The following EFEMP1 variants were observed in gnomAD, a reference collection of about 807,000 sequenced individuals.
EFEMP1 encodes EGF-containing fibulin-like extracellular matrix protein 1.
EFEMP1 carries 18 observed loss-of-function variants against 65.7 expected under a neutral mutation model. The observed-to-expected ratio is 0.27, with a 90% CI of 0.19 to 0.41. The LOEUF is 0.41. Among genes scored for constraint, EFEMP1 ranks in the 10% least tolerant of loss-of-function variants. EFEMP1 has a pLI of 1.00. For synonymous variants in EFEMP1, 237 were observed against 219.7 expected (o/e 1.08, Z -0.70); for missense variants, 469 against 624.8 (o/e 0.75, Z 2.66).
chr2:55,901,012 G>A (rs1670011165), intron 5 of EFEMP1, among the ~76,000 whole-genome samples: 1 of 152,144 alleles, frequency 6.6e-6, no homozygotes, highest in Non-Finnish European at 1.5e-5. Flanking sequence ...GATATGTTCA[G>A]TGCATGTCTT....
chr2:55,876,755 T>TA lies in EFEMP1; in HGVS notation c.761-14_761-13insT, dbSNP rs1476312354. On this transcript the variant is annotated splice_polypyrimidine_tract_variant and intron_variant, in intron 7 of 11. Transcript: ENST00000355426. ...CATTCATTTATATCTGAAAAAAAGTTTTATATATATATATATGTATATGTA... is the reference window on the plus strand; with the variant it reads ...CATTCATTTATATCTGAAAAAAAGTTATTATATATATATATATGTATATGTA... 2.0e-4 allele frequency: 295 copies of TA among 1,497,376 alleles called. No homozygotes were observed. The African/African-American group carries it at 3.7e-3, about 19-fold the overall frequency. 92.8% of individuals were successfully genotyped at this position (1,497,376 alleles called of 1,614,324 possible).
intron 5 of EFEMP1, among the ~76,000 whole-genome samples, chr2:55,899,661 G>A (rs995571848): frequency 6.6e-6 from 1 of 152,170 alleles, no homozygotes; most frequent in Admixed American, 6.5e-5. Flanking sequence ...TAATCTCTCA[G>A]TTGAGCCCTG....
intron 5 of EFEMP1, among the ~76,000 whole-genome samples, chr2:55,912,458 A>G (rs944175251): frequency 4.6e-5 from 7 of 152,212 alleles, no homozygotes; most frequent in Admixed American, 2.0e-4. Flanking sequence ...GAAGTCAAAG[A>G]AAGATATCCC....
intron 5 of EFEMP1, among the ~76,000 whole-genome samples, chr2:55,889,475 A>G (rs1572811280): frequency 6.6e-6 from 1 of 152,198 alleles, no homozygotes; most frequent in East Asian, 1.9e-4. Flanking sequence ...TTTCTGCGCA[A>G]TGTTTCTCCA....
At chr2:55,916,992 G>A (rs983367062) in intron 5 of EFEMP1, among the ~76,000 whole-genome samples, 2 of 152,166 alleles carry the variant, frequency 1.3e-5, no homozygotes, top group African/African-American at 2.4e-5. Context: ...TAAGTGAAAC[G>A]TCGTCAAATG....
At chr2:55,899,139 T>C (rs527651555) in intron 5 of EFEMP1, among the ~76,000 whole-genome samples, 1 of 152,346 alleles carries the variant, frequency 6.6e-6, no homozygotes, top group African/African-American at 2.4e-5. Context: ...ACTGGCTACC[T>C]GGTGGCAGCA....
intron 5 of EFEMP1, 25 bp from the exon 6 acceptor site, chr2:55,881,759 A>G (rs756555615): frequency 6.2e-7 from 1 of 1,613,900 alleles, no homozygotes; most frequent in Non-Finnish European, 8.5e-7. Flanking sequence ...CAACACAGAA[A>G]GAATTGTCAG....
chr2:55,914,551 T>C (rs1308355149), intron 5 of EFEMP1, among the ~76,000 whole-genome samples: 2 of 152,218 alleles, frequency 1.3e-5, no homozygotes, highest in Non-Finnish European at 2.9e-5. Flanking sequence ...ACTGGTATAG[T>C]GCATTCAAAG....
chr2:55,911,059 C>G (rs1309641008), intron 5 of EFEMP1, among the ~76,000 whole-genome samples: 1 of 152,292 alleles, frequency 6.6e-6, no homozygotes, highest in South Asian at 2.1e-4. Context: ...TAGAGTCTCA[C>G]CTACTGACAA....
Position 55,874,953 on chromosome 2 carries a change from T to C in EFEMP1, c.993A>G (p.Thr331=). The C allele has an allele frequency of 6.2e-7, 1 of 1,603,502 alleles. No homozygotes were observed. The highest frequency in any genetic ancestry group is 1.7e-5 in the Admixed American group (1 of 59,552). ...PQGYQVVRSR[T]CQDINECETT... is the part of the protein sequence containing the mutation. ...AAAAAAAAATAAACTTACCTTGACATGTTCTACTTCTCACCACTTGGTATC... is the reference window on the plus strand; with the variant it reads ...AAAAAAAAATAAACTTACCTTGACACGTTCTACTTCTCACCACTTGGTATC... Residue 331 remains threonine (T), a synonymous_variant, in exon 9 of 12, where the codon ACA becomes ACG. Transcript: ENST00000355426.
chr2:55,882,453 T>TG (rs1669274689), intron 5 of EFEMP1, among the ~76,000 whole-genome samples: 1 of 152,200 alleles, frequency 6.6e-6, no homozygotes, highest in African/African-American at 2.4e-5. Context: ...TGTGCCTTAA[T>TG]GAGTATGCAG....
intron 5 of EFEMP1, among the ~76,000 whole-genome samples, chr2:55,915,222 C>G (rs1480757067): frequency 6.6e-6 from 1 of 152,146 alleles, no homozygotes; most frequent in Admixed American, 6.5e-5. Context: ...ACACCAATCC[C>G]AAATTTTAGA....
intron 6 of EFEMP1, among the ~76,000 whole-genome samples, chr2:55,878,235 GAAGA>G (rs1306379957): frequency 6.6e-6 from 1 of 152,178 alleles, no homozygotes; most frequent in Non-Finnish European, 1.5e-5. Context: ...ACAAAACAAA[GAAGA>G]AAGAGTTGTG....
At chr2:55,889,257 G>A (rs1669544709) in intron 5 of EFEMP1, among the ~76,000 whole-genome samples, 1 of 152,164 alleles carries the variant, frequency 6.6e-6, no homozygotes, top group South Asian at 2.1e-4. Context: ...CATTATGCTT[G>A]TTGTTCATTC....
Position 55,917,614 on chromosome 2 carries a change from G to C in EFEMP1, c.517+51C>G, listed in dbSNP as rs756692544. On this transcript the variant is annotated intron_variant, in intron 5 of 11. Transcript: ENST00000355426. The surrounding 1 kb of genome is among the most constrained non-coding windows in gnomAD (Gnocchi z 6.3). ...TAAATTATCATCATCCTCACCACGA[G>C]GTGCACTTGGGCAAAAGCTTTCAAT... 4.3e-6 allele frequency: 7 copies of C among 1,611,878 alleles called. No individual in the cohort carries two copies. The highest frequency in any genetic ancestry group is 1.3e-5 in the African/African-American group (1 of 74,868).
At chr2:55,909,264 A>G (rs1053239767) in intron 5 of EFEMP1, among the ~76,000 whole-genome samples, 1 of 152,218 alleles carries the variant, frequency 6.6e-6, no homozygotes, top group Non-Finnish European at 1.5e-5. Flanking sequence ...TGCCTATTCA[A>G]TAATAAGTAA....
rs1248036631 is a variant in EFEMP1 at position 55,871,723 on chromosome 2, A to G, written c.1001-600T>C. Among the ~76,000 whole-genome samples the G allele has an allele frequency of 6.6e-6, 1 of 152,038 alleles. No homozygotes were observed. Among genetic ancestry groups the G allele is most frequent in the African/African-American group, 2.4e-5 (1 of 41,422 alleles). On this transcript the variant is annotated intron_variant, in intron 9 of 11. Transcript: ENST00000355426. This position sits in a 1 kb window ranked among gnomAD's most constrained non-coding sequence, Gnocchi z 4.2. Reference sequence around the variant, plus strand: ...ATCATCTCTTTCAGGAACTTGGGAGAAAGGTAAAGGCTAGAAATCTGGTTT... The same window carrying G: ...ATCATCTCTTTCAGGAACTTGGGAGGAAGGTAAAGGCTAGAAATCTGGTTT...
In EFEMP1 at chr2:55,917,710, G is replaced by T. The variant is rs1195563449; in HGVS notation, c.472C>A (p.Gln158Lys). ...CTTTGCTCGTAGCCTGCTGCACACT[G>T]GATACGGTGGGAAGGGTTGGAGGGA... ...RIPSNPSHRI[Q>K]CAAGYEQSEH... The change falls in exon 5 of 12, where the codon CAG (glutamine) becomes AAG (lysine). Residue 158 changes from glutamine (Q) to lysine (K), a missense_variant. Transcript: ENST00000355426. This position sits in a 1 kb window ranked among gnomAD's most constrained non-coding sequence, Gnocchi z 6.3. The T allele has an allele frequency of 1.2e-6, 2 of 1,614,212 alleles. No homozygotes were observed. Among genetic ancestry groups the T allele is most frequent in the Non-Finnish European group, 1.7e-6 (2 of 1,180,034 alleles).
intron 3 of EFEMP1, among the ~76,000 whole-genome samples, chr2:55,920,366 C>T (rs1251006856): frequency 3.9e-5 from 6 of 152,228 alleles, no homozygotes; most frequent in African/African-American, 1.2e-4. Flanking sequence ...TAGTTTTCAA[C>T]ACTGTCTTCC....
Sources: gnomAD v4.1 joint callset for allele counts (sites outside exome capture counted in the v4.1 genomes callset) on GRCh38, gnomAD v4.1.1 for gene constraint, Gnocchi (gnomAD v3.1) non-coding constraint, MANE v1.5 for transcripts, NCBI Gene and HGNC (gene_info 2026-07-23, HGNC 2026-07-21) for gene names.